The following TMC2 variants were observed in gnomAD, a reference collection of about 807,000 sequenced individuals.
TMC2 encodes transmembrane channel-like protein 2.
In TMC2, 102 loss-of-function variants were observed where a neutral mutation model predicts 105.9. The ratio of observed to expected loss-of-function variants is 0.96; its 90% CI spans 0.82 to 1.14. The LOEUF (loss-of-function observed/expected upper bound fraction) is 1.14. TMC2 is among the 50% of genes most tolerant of loss of function. The pLI, the probability that TMC2 is intolerant of heterozygous loss-of-function variation, is 0.00. For missense variants in TMC2, 1,093 were observed against 1,134.3 expected (o/e 0.96, Z 0.52); for synonymous variants, 402 against 422.8 (o/e 0.95, Z 0.60).
chr20:2,589,256 T>C (rs1331808873), intron 7 of TMC2, among the ~76,000 whole-genome samples: 4 of 122,190 alleles, frequency 3.3e-5, no homozygotes, highest in Admixed American at 2.5e-4. Context: ...TTTCCAGATA[T>C]CTTCCTATTT....
chr20:2,584,218 G>A (rs547144769), intron 7 of TMC2, among the ~76,000 whole-genome samples: 2 of 152,140 alleles, frequency 1.3e-5, no homozygotes, highest in Non-Finnish European at 2.9e-5. Flanking sequence ...GCCGAGGCGG[G>A]CGGATCACGA....
At chr20:2,542,905 T>C (rs1271429251) in intron 2 of TMC2, among the ~76,000 whole-genome samples, 1 of 141,576 alleles carries the variant, frequency 7.1e-6, no homozygotes, top group East Asian at 2.1e-4. Flanking sequence ...TATTTAGTAA[T>C]ATACTTAGTA....
intron 2 of TMC2, among the ~76,000 whole-genome samples, chr20:2,541,111 G>A (rs775807260): frequency 3.3e-5 from 5 of 152,054 alleles, no homozygotes; most frequent in African/African-American, 1.2e-4. Flanking sequence ...TTCTTCTCTT[G>A]CAAACTCCTG....
intron 2 of TMC2, among the ~76,000 whole-genome samples, chr20:2,538,482 G>A (rs1473876963): frequency 6.6e-6 from 1 of 152,132 alleles, no homozygotes; most frequent in East Asian, 1.9e-4. Context: ...TGCTCCCGTA[G>A]TGACCACTGC....
chr20:2,620,078 CAAAAAAGA>C (rs1232766995), intron 16 of TMC2, among the ~76,000 whole-genome samples: 2 of 150,776 alleles, frequency 1.3e-5, no homozygotes, highest in Admixed American at 6.6e-5. Context: ...GGCTCTGCTT[CAAAAAAGA>C]AAAAAAGAAA....
intron 2 of TMC2, among the ~76,000 whole-genome samples, chr20:2,548,399 G>C (rs2085936968): frequency 6.6e-6 from 1 of 152,190 alleles, no homozygotes; most frequent in Non-Finnish European, 1.5e-5. Context: ...AGCACTTTGG[G>C]AGGCCAAGGC....
chr20:2,619,109 C>T (rs1018504905), intron 16 of TMC2, among the ~76,000 whole-genome samples: 2 of 152,186 alleles, frequency 1.3e-5, no homozygotes, highest in Non-Finnish European at 2.9e-5. Flanking sequence ...ATATGCAAAA[C>T]AGCCCCTAAA....
intron 11 of TMC2, among the ~76,000 whole-genome samples, chr20:2,603,944 T>C (rs2086370408): frequency 6.6e-6 from 1 of 151,868 alleles, no homozygotes; most frequent in African/African-American, 2.4e-5. Context: ...AGTTCTTGAA[T>C]TCCTGATTTA....
chr20:2,585,883 C>T (rs1188169638), intron 7 of TMC2, among the ~76,000 whole-genome samples: 1 of 152,172 alleles, frequency 6.6e-6, no homozygotes, highest in Non-Finnish European at 1.5e-5. Flanking sequence ...ATAACCTAAT[C>T]TCAGAAATGA....
chr20:2,616,667 G>A lies in TMC2; in HGVS notation c.1941-405G>A, dbSNP rs1296363109. On this transcript the variant is annotated intron_variant, in intron 15 of 19. Coordinates refer to ENST00000358864, the MANE Select transcript of TMC2 (RefSeq NM_080751.3). The surrounding 1 kb of genome is among the most constrained non-coding windows in gnomAD (Gnocchi z 4.8). ...GAGTTCAAGGAGGTACATAACTTCA[G>A]CCAAAGACTTTCAAGGTGCCAAGGG... 4.2e-4 allele frequency among the ~76,000 whole-genome samples: 64 copies of A among 152,212 alleles called. 1 individual carries two copies. The highest frequency in any genetic ancestry group is 4.2e-3 in the Admixed American group (64 of 15,286).
chr20:2,594,225 CTTTTTTT>C (rs565664102), intron 8 of TMC2, among the ~76,000 whole-genome samples: 2 of 113,758 alleles, frequency 1.8e-5, no homozygotes, highest in African/African-American at 6.4e-5. Flanking sequence ...CTAAGGATTC[CTTTTTTT>C]TTTTTTTTTT....
chr20:2,561,414 T>G lies in TMC2; in HGVS notation c.402-444T>G, dbSNP rs1027784155. On this transcript the variant is annotated intron_variant, in intron 3 of 19. Transcript: ENST00000358864. ...TGAGTACAAAATGAACAGTGACCTT[T>G]GAAGACAGTATTTTTTAAAGGACTG... Among the ~76,000 whole-genome samples, 5 of 152,368 alleles carry G rather than the reference T, an allele frequency of 3.3e-5. No individual in the cohort carries two copies. The South Asian group carries it at 8.3e-4, about 25-fold the overall frequency.
At chr20:2,542,298 A>T (rs960852543) in intron 2 of TMC2, among the ~76,000 whole-genome samples, 1 of 152,202 alleles carries the variant, frequency 6.6e-6, no homozygotes, top group Non-Finnish European at 1.5e-5. Flanking sequence ...AGCTTGACAA[A>T]GGAAAAGCGT....
intron 2 of TMC2, among the ~76,000 whole-genome samples, chr20:2,548,695 T>C (rs928981197): frequency 3.9e-5 from 6 of 151,928 alleles, no homozygotes; most frequent in African/African-American, 1.5e-4. Context: ...TCAATATCCA[T>C]AAACTCAATA....
intron 4 of TMC2, 127 bp downstream of exon 4, chr20:2,562,137 A>G: frequency 8.4e-7 from 1 of 1,196,704 alleles, no homozygotes; most frequent in Admixed American, 2.8e-5. Flanking sequence ...CGAGGACAGC[A>G]CTCAGGGAGC....
chr20:2,553,749 T>C (rs756803684), intron 2 of TMC2, among the ~76,000 whole-genome samples: 2 of 152,244 alleles, frequency 1.3e-5, no homozygotes, highest in African/African-American at 2.4e-5. Context: ...TTAATAAATA[T>C]AGGCCTATTC....
intron 4 of TMC2, among the ~76,000 whole-genome samples, chr20:2,568,298 C>T (rs1041844447): frequency 3.9e-5 from 6 of 152,106 alleles, no homozygotes; most frequent in Non-Finnish European, 5.9e-5. Context: ...TCATCAGAAA[C>T]CATGAAGGGC....
Position 2,624,382 on chromosome 20 carries a change from C to T in TMC2, c.2292C>T (p.Ala764=), listed in dbSNP as rs2086549373. The T allele has an allele frequency of 6.2e-7, 1 of 1,613,864 alleles. No homozygotes were observed. Residue 764 remains alanine (A), a synonymous_variant, in exon 17 of 20, where the codon GCC becomes GCT. Transcript: ENST00000358864. ...FLANPGLIIP[A]ILLMFLAIYY... ...CCAATCCAGGCCTGATCATCCCAGC[C>T]ATCCTGCTGATGTTGTAAGTTAGCC...
At position 2,556,261 on chromosome 20, in the gene TMC2, A is replaced by G. The variant is rs6083644; in HGVS notation, c.83-2195A>G. 3.3e-3 allele frequency among the ~76,000 whole-genome samples: 500 copies of G among 151,810 alleles called. 4 individuals carry two copies. The highest frequency in any genetic ancestry group is 3.3e-3 in the Non-Finnish European group (225 of 67,870). On this transcript the variant is annotated intron_variant, in intron 2 of 19. Coordinates refer to ENST00000358864, the MANE Select transcript of TMC2 (RefSeq NM_080751.3). ...GTGCCATCATGCCTGGCTAATTTTT[A>G]ATAGAGACGGGGTTTCACCATGTTG...
Sources: allele counts gnomAD v4.1 joint callset (sites outside exome capture counted in the v4.1 genomes callset), GRCh38; gene constraint gnomAD v4.1.1; non-coding constraint Gnocchi (gnomAD v3.1); transcripts MANE v1.5; gene names NCBI Gene and HGNC (gene_info 2026-07-23, HGNC 2026-07-21).